The following HFM1 variants were observed in gnomAD, a reference collection of about 807,000 sequenced individuals.
The protein encoded by HFM1 is helicase for meiosis 1, also known as probable ATP-dependent DNA helicase HFM1.
In HFM1, 169 loss-of-function variants were observed where a neutral mutation model predicts 192.1. The ratio of observed to expected loss-of-function variants is 0.88; its 90% CI spans 0.78 to 1.00. The LOEUF is 1.00. Among genes scored for constraint, HFM1 ranks in the 50% least tolerant of loss-of-function variants. HFM1 has a pLI of 0.00. For synonymous variants in HFM1, 525 were observed against 537.8 expected (o/e 0.98, Z 0.33); for missense variants, 1,661 against 1,668.0 (o/e 1.00, Z 0.07).
At chr1:91,336,126 A>G (rs1393956108) in intron 20 of HFM1, among the ~76,000 whole-genome samples, 1 of 140,060 alleles carries the variant, frequency 7.1e-6, no homozygotes, top group Non-Finnish European at 1.5e-5. Flanking sequence ...TCCTCCTTGG[A>G]GGCTAAAATC....
chr1:91,394,469 A>G, intron 3 of HFM1, 67 bp from the exon 4 acceptor site: 1 of 956,472 alleles, frequency 1.0e-6, no homozygotes, highest in Non-Finnish European at 1.5e-6. Flanking sequence ...AATGATGATG[A>G]AAAACTTTAA....
rs59758352 is a variant in HFM1 at position 91,277,861 on chromosome 1, CT to C, written c.3392-800del. Among the ~76,000 whole-genome samples the C allele has an allele frequency of 9.6e-3, 127 of 13,170 alleles. No individual in the cohort carries two copies. In the Middle Eastern group the frequency reaches 0.19, roughly 19 times the overall value. The allele number at this position is 13,170 out of a possible 152,430, so 8.6% of individuals were successfully genotyped here. On this transcript the variant is annotated intron_variant, in intron 30 of 38. Transcript: ENST00000370425. ...TATATACTAATATATATTATATATA[CT>C]TTATATATATAATATATACTTATAT...
intron 13 of HFM1, among the ~76,000 whole-genome samples, chr1:91,353,593 C>G (rs1348182995): frequency 7.0e-6 from 1 of 143,790 alleles, no homozygotes; most frequent in African/African-American, 2.6e-5. Flanking sequence ...TCATAATTTG[C>G]CTAAAAAAAA....
At chr1:91,328,776 A>C in intron 20 of HFM1, 1 of 1,611,010 alleles carries the variant, frequency 6.2e-7, no homozygotes, top group South Asian at 1.1e-5. Context: ...TGGCTGGTGA[A>C]GGTCACTAAG....
intron 29 of HFM1, 151 bp from the exon 30 acceptor site, chr1:91,313,646 T>A (rs204304): frequency 4.5e-6 from 2 of 443,846 alleles, no homozygotes; most frequent in Non-Finnish European, 3.9e-6. Context: ...TTAAAAAATA[T>A]GACAACTAAA....
intron 30 of HFM1, among the ~76,000 whole-genome samples, chr1:91,295,163 C>T (rs1332895616): frequency 2.0e-5 from 3 of 151,970 alleles, no homozygotes; most frequent in Non-Finnish European, 4.4e-5. Flanking sequence ...TTTGGATATC[C>T]TCTATTTTGA....
chr1:91,325,817 T>A (rs900318480), intron 20 of HFM1, among the ~76,000 whole-genome samples: 1 of 152,058 alleles, frequency 6.6e-6, no homozygotes, highest in Admixed American at 6.5e-5. Context: ...AGACAGAGAA[T>A]TCAAAATAGC....
intron 20 of HFM1, among the ~76,000 whole-genome samples, chr1:91,324,982 A>C (rs1424775712): frequency 2.0e-5 from 3 of 152,310 alleles, no homozygotes; most frequent in African/African-American, 7.2e-5. Flanking sequence ...GTACTGTCAC[A>C]AGAATCAAAA....
rs772005131 is a variant in HFM1, at chr1:91,267,739, T to A, written c.3883+6A>T. Reference sequence around the variant, plus strand: ...TGAAATGATTGCATGCTAAGTATGATTTTACCTGATATTTTTGTCTTCTCA... The same window carrying A: ...TGAAATGATTGCATGCTAAGTATGAATTTACCTGATATTTTTGTCTTCTCA... On this transcript the variant is annotated splice_donor_region_variant and intron_variant, in intron 35 of 38. Transcript: ENST00000370425. 2 of 1,256,570 alleles carry A rather than the reference T, an allele frequency of 1.6e-6. No homozygotes were observed. Among genetic ancestry groups the A allele is most frequent in the Non-Finnish European group, 1.1e-6 (1 of 895,942 alleles). 77.8% of individuals were successfully genotyped at this position (1,256,570 alleles called of 1,614,324 possible).
intron 30 of HFM1, among the ~76,000 whole-genome samples, chr1:91,289,218 A>T (rs416817): frequency 6.6e-6 from 1 of 150,604 alleles, no homozygotes; most frequent in African/African-American, 2.4e-5. Context: ...CCTCAGTTCC[A>T]AGACGGGGTC....
intron 13 of HFM1, among the ~76,000 whole-genome samples, chr1:91,367,867 G>A (rs1571132596): frequency 2.0e-5 from 3 of 152,184 alleles, no homozygotes; most frequent in Admixed American, 6.5e-5. Context: ...AAAATTAGAC[G>A]AATGGCTAAC....
chr1:91,365,110 G>A (rs1439459236), intron 13 of HFM1, among the ~76,000 whole-genome samples: 1 of 151,974 alleles, frequency 6.6e-6, no homozygotes, highest in Non-Finnish European at 1.5e-5. Flanking sequence ...GAAAAATATT[G>A]TATGTTCTCA....
At chr1:91,400,189 A>T (rs1482915201) in intron 2 of HFM1, among the ~76,000 whole-genome samples, 1 of 152,244 alleles carries the variant, frequency 6.6e-6, no homozygotes, top group East Asian at 1.9e-4. Flanking sequence ...CAGAAAATTC[A>T]AAATTGAACA....
chr1:91,349,999 G>C (rs1656716639), intron 18 of HFM1, among the ~76,000 whole-genome samples: 1 of 152,148 alleles, frequency 6.6e-6, no homozygotes, highest in Admixed American at 6.6e-5. Flanking sequence ...ACAACTGTGT[G>C]GGTGGGGATA....
At chr1:91,357,005 C>T (rs1657836902) in intron 13 of HFM1, among the ~76,000 whole-genome samples, 1 of 152,144 alleles carries the variant, frequency 6.6e-6, no homozygotes, top group African/African-American at 2.4e-5. Context: ...GACAGCATCA[C>T]AACTGAATTC....
At chr1:91,407,042 T>C (rs1364438952), upstream of HFM1, among the ~76,000 whole-genome samples, 5 of 152,276 alleles carry the variant, frequency 3.3e-5, no homozygotes, top group East Asian at 7.7e-4. Context: ...ACATGCGTAA[T>C]ATTTATAATT....
intron 30 of HFM1, among the ~76,000 whole-genome samples, chr1:91,283,404 C>A (rs1196160775): frequency 6.6e-6 from 1 of 152,060 alleles, no homozygotes; most frequent in Non-Finnish European, 1.5e-5. Context: ...CCACCACACC[C>A]AGCTAATTTT....
chr1:91,322,552 C>A (rs1652282508), intron 23 of HFM1, among the ~76,000 whole-genome samples: 1 of 152,136 alleles, frequency 6.6e-6, no homozygotes, highest in Non-Finnish European at 1.5e-5. Context: ...GTCACATATA[C>A]ACGCCTTTAC....
intron 30 of HFM1, among the ~76,000 whole-genome samples, chr1:91,291,466 T>C (rs1286202627): frequency 2.0e-5 from 3 of 152,186 alleles, no homozygotes; most frequent in African/African-American, 7.2e-5. Flanking sequence ...AATGGATACA[T>C]TCCTCGACAC....
Sources: gnomAD v4.1 joint callset for allele counts (sites outside exome capture counted in the v4.1 genomes callset) on GRCh38, gnomAD v4.1.1 for gene constraint, MANE v1.5 for transcripts, NCBI Gene and HGNC (gene_info 2026-07-23, HGNC 2026-07-21) for gene names.